The following CD300E variants were observed in gnomAD, a reference collection of about 807,000 sequenced individuals.
CD300E encodes the protein CD300e molecule, also known as CMRF35-like molecule 2.
In CD300E, 14 loss-of-function variants were observed where a neutral mutation model predicts 20.9. The observed-to-expected ratio is 0.67, with a 90% confidence interval of 0.44 to 1.05. The LOEUF (loss-of-function observed/expected upper bound fraction) is 1.05, where lower values mean the gene tolerates loss of function less well. Among genes scored for constraint, CD300E ranks in the 50% least tolerant of loss-of-function variants. The pLI, the probability that CD300E is intolerant of heterozygous loss-of-function variation, is 0.00. For missense variants in CD300E, 237 were observed against 253.9 expected, an observed-to-expected ratio of 0.93 and a Z score of 0.45; for synonymous variants, 102 against 103.7, an observed-to-expected ratio of 0.98 and a Z score of 0.10.
In CD300E at chr17:74,623,680, A is replaced by G; in HGVS notation, c.-59T>C. On this transcript the variant is annotated 5_prime_UTR_variant, in exon 1 of 4. Transcript: ENST00000392619. ...TCTAGGTCCCAGCTGGAATCCAAGTATATGTAACGGAGCCTGGGTCATCCA... is the reference window on the plus strand; with the variant it reads ...TCTAGGTCCCAGCTGGAATCCAAGTGTATGTAACGGAGCCTGGGTCATCCA... 1.3e-6 allele frequency: 2 copies of G among 1,577,766 alleles called. No homozygotes were observed. Among genetic ancestry groups the G allele is most frequent in the Non-Finnish European group, 1.7e-6 (2 of 1,146,826 alleles).
intron 2 of CD300E, among the ~76,000 whole-genome samples, chr17:74,616,476 G>A (rs1405269528): frequency 6.6e-6 from 1 of 152,194 alleles, no homozygotes; most frequent in African/African-American, 2.4e-5. Flanking sequence ...AGGTTGGAGT[G>A]GAGGCACTGG....
At chr17:74,621,387 G>A (rs1168729069) in intron 1 of CD300E, among the ~76,000 whole-genome samples, 2 of 152,070 alleles carry the variant, frequency 1.3e-5, no homozygotes, top group African/African-American at 4.8e-5. Context: ...TGATGAGAGA[G>A]TGTTCCATGA....
In CD300E at chr17:74,616,887, G is replaced by T. The variant is rs2030912119; in HGVS notation, c.388+231C>A. ...GGCCTCCTCCACGCTGGATAATGGG[G>T]TGAGGCCCAGGCCCTATGGGAGTGA... On this transcript the variant is annotated intron_variant, in intron 2 of 3. Transcript: ENST00000392619. Among the ~76,000 whole-genome samples, 3 of 152,256 alleles carry T rather than the reference G, an allele frequency of 2.0e-5. No homozygotes were observed. The South Asian group carries it at 6.2e-4, about 31-fold the overall frequency.
rs1160484294 is a variant in CD300E, at chr17:74,615,384, G to C, written c.389-1351C>G. ...GCCCCAGGAGGATCACCCTTGGGCA[G>C]GATGGGGAAGCCTGTCCTCAACCCG... is the stretch of plus-strand genomic sequence containing the variant. On this transcript the variant is annotated intron_variant, in intron 2 of 3. Transcript: ENST00000392619. Among the ~76,000 whole-genome samples the C allele has an allele frequency of 2.0e-5, 3 of 152,198 alleles. No homozygotes were observed. The East Asian group carries it at 5.8e-4, about 29-fold the overall frequency.
At chr17:74,620,574 C>T (rs2030999044) in intron 1 of CD300E, among the ~76,000 whole-genome samples, 1 of 151,586 alleles carries the variant, frequency 6.6e-6, no homozygotes, top group African/African-American at 2.4e-5. Flanking sequence ...ACCTGGGAGG[C>T]AGAGGTTTCA....
At chr17:74,623,486 T>G in intron 1 of CD300E, 96 bp downstream of exon 1, 1 of 1,169,908 alleles carries the variant, frequency 8.5e-7, no homozygotes, top group Admixed American at 2.1e-5. Context: ...CCCTTTTCTG[T>G]GGACACTTCA....
intron 1 of CD300E, chr17:74,619,079 T>G (rs1417649663): frequency 2.1e-6 from 1 of 471,070 alleles, no homozygotes; most frequent in Admixed American, 2.4e-5. Context: ...CTCCTGAGAT[T>G]TGAGAGCTGG....
At position 74,617,365 on chromosome 17, in the gene CD300E, C is replaced by G; in HGVS notation, c.141G>C (p.Lys47Asn). The part of the protein sequence containing the change: ...QYESMYKGYN[K>N]YWCRGQYDTS... ...TGTCGTACTGTCCTCGGCACCAGTACTTGTTATATCCCTTGTACATGCTCT... is the reference window on the plus strand; with the variant it reads ...TGTCGTACTGTCCTCGGCACCAGTAGTTGTTATATCCCTTGTACATGCTCT... The change falls in exon 2 of 4, where the codon AAG (lysine) becomes AAC (asparagine). Residue 47 changes from lysine (K) to asparagine (N), a missense_variant. Lys to Asn is a moderately conservative substitution (Grantham distance 94, BLOSUM62 0). Coordinates refer to ENST00000392619, the MANE Select transcript of CD300E (RefSeq NM_181449.3). The G allele has an allele frequency of 6.2e-7, 1 of 1,614,184 alleles. No homozygotes were observed. The highest frequency in any genetic ancestry group is 8.5e-7 in the Non-Finnish European group (1 of 1,180,038).
At chr17:74,620,918 C>T (rs572697442) in intron 1 of CD300E, among the ~76,000 whole-genome samples, 165 of 152,054 alleles carry the variant, frequency 1.1e-3, no homozygotes, top group Non-Finnish European at 1.8e-3. Context: ...TGGCATACGC[C>T]TGTAACCCCA....
At position 74,623,696 on chromosome 17, in the gene CD300E, G is replaced by C; in HGVS notation, c.-75C>G. ...AATCCAAGTATATGTAACGGAGCCT[G>C]GGTCATCCACTTTCTACTTGTCCAA... On this transcript the variant is annotated 5_prime_UTR_variant, in exon 1 of 4. Coordinates refer to ENST00000392619, the MANE Select transcript of CD300E (RefSeq NM_181449.3). 6.7e-7 allele frequency: 1 copy of C among 1,487,346 alleles called. No individual in the cohort carries two copies. Among genetic ancestry groups the C allele is most frequent in the Admixed American group, 1.7e-5 (1 of 59,872 alleles). The allele number at this position is 1,487,346 out of a possible 1,614,324, so 92.1% of individuals were successfully genotyped here. A position where few individuals can be genotyped will look rare whatever the true frequency, so the allele number is the denominator to read the frequency against.
intron 2 of CD300E, among the ~76,000 whole-genome samples, chr17:74,616,316 AC>A (rs1242206343): frequency 6.6e-6 from 1 of 152,192 alleles, no homozygotes; most frequent in Non-Finnish European, 1.5e-5. Context: ...CTGGGCAGCG[AC>A]CAGGTCGGGT....
rs1303335868 is a variant in CD300E at position 74,613,957 on chromosome 17, G to A, written c.465C>T (p.Leu155=). 6.2e-7 allele frequency: 1 copy of A among 1,613,978 alleles called. No homozygotes were observed. Among genetic ancestry groups the A allele is most frequent in the Non-Finnish European group, 8.5e-7 (1 of 1,179,924 alleles). ...IFLVVNPGRN[L]STGEVLTQNS... ...TTTGGGTCAACACCTCCCCGGTGCT[G>A]AGGTTTCGCCCAGGGTTCACCACCA... The change falls in exon 3 of 4, where the codon CTC becomes CTT. Residue 155 remains leucine (L), a synonymous_variant. Transcript: ENST00000392619.
intron 3 of CD300E, among the ~76,000 whole-genome samples, chr17:74,613,668 A>G (rs1438309509): frequency 6.6e-6 from 1 of 152,166 alleles, no homozygotes; most frequent in Non-Finnish European, 1.5e-5. Context: ...TGGGGAAGGG[A>G]GGAGGGGCTG....
At position 74,610,197 on chromosome 17, in the gene CD300E, T is replaced by G. The variant is rs2143345129; in HGVS notation, c.*2456A>C. On this transcript the variant is annotated 3_prime_UTR_variant, in exon 4 of 4. Coordinates refer to ENST00000392619, the MANE Select transcript of CD300E (RefSeq NM_181449.3). ...TAGCTCTGCTCTCCTCCTTGAAACA[T>G]TCATGGCTCTTGACTTCTCATCTTC... is the stretch of plus-strand genomic sequence containing the variant. 1 of 152,584 alleles carries G rather than the reference T, an allele frequency of 6.6e-6. No homozygotes were observed. Among genetic ancestry groups the G allele is most frequent in the Non-Finnish European group, 1.5e-5 (1 of 68,128 alleles). 9.5% of individuals were successfully genotyped at this position (152,584 alleles called of 1,614,324 possible). A position where few individuals can be genotyped will look rare whatever the true frequency, so the allele number is the denominator to read the frequency against.
intron 2 of CD300E, among the ~76,000 whole-genome samples, chr17:74,615,080 G>C (rs550130850): frequency 6.4e-4 from 97 of 152,326 alleles, no homozygotes; most frequent in African/African-American, 2.2e-3. Flanking sequence ...ATAAACAGAC[G>C]GACTCACTTC....
At chr17:74,620,590 C>T (rs1209968856) in intron 1 of CD300E, among the ~76,000 whole-genome samples, 3 of 151,968 alleles carry the variant, frequency 2.0e-5, no homozygotes, top group Admixed American at 6.6e-5. Context: ...TTTCAGTGAG[C>T]CAAGATCGTG....
In CD300E at chr17:74,610,757, A is replaced by T. The variant is rs1339127968; in HGVS notation, c.*1896T>A. ...GTTCCATCTGGCCTGCCACAGGAAAATTTCACTCCATTGGAATCTTAGACA... is the reference window on the plus strand; with the variant it reads ...GTTCCATCTGGCCTGCCACAGGAAATTTTCACTCCATTGGAATCTTAGACA... On this transcript the variant is annotated 3_prime_UTR_variant, in exon 4 of 4. Transcript: ENST00000392619. 6.6e-6 allele frequency: 1 copy of T among 152,122 alleles called. No homozygotes were observed. The highest frequency in any genetic ancestry group is 1.5e-5 in the Non-Finnish European group (1 of 68,052). The allele number at this position is 152,122 out of a possible 1,614,324, so 9.4% of individuals were successfully genotyped here.
intron 2 of CD300E, among the ~76,000 whole-genome samples, 186 bp from the exon 3 acceptor site, chr17:74,614,219 C>G (rs1246369295): frequency 6.6e-6 from 1 of 152,118 alleles, no homozygotes; most frequent in East Asian, 1.9e-4. Flanking sequence ...CAGAACCAGC[C>G]ATGAGAGTCC....
chr17:74,614,085 A>G (rs774833811), intron 2 of CD300E, 52 bp from the exon 3 acceptor site: 4 of 1,350,788 alleles, frequency 3.0e-6, no homozygotes, highest in South Asian at 1.2e-5. Context: ...CCAGCCATGC[A>G]CAGAACACCC....
Sources: allele counts gnomAD v4.1 joint callset (sites outside exome capture counted in the v4.1 genomes callset), GRCh38; gene constraint gnomAD v4.1.1; transcripts MANE v1.5; gene names NCBI Gene and HGNC (gene_info 2026-07-23, HGNC 2026-07-21).